The following PACRG variants were observed in gnomAD, a reference collection of about 807,000 sequenced individuals.
The protein encoded by PACRG is parkin coregulated.
In PACRG, 29 loss-of-function variants were observed where a neutral mutation model predicts 29.7. The observed-to-expected ratio is 0.98, with a 90% CI of 0.73 to 1.33. The LOEUF is 1.33. Ranked by LOEUF, PACRG falls within the 40% of genes most tolerant of loss-of-function variation. The probability of loss-of-function intolerance (pLI) is 0.00; values close to 1 mark genes in which losing one functional copy is unlikely to be tolerated. For missense variants in PACRG, 279 were observed against 316.2 expected, an observed-to-expected ratio of 0.88 and a Z score of 0.89; for synonymous variants, 116 against 118.7, an observed-to-expected ratio of 0.98 and a Z score of 0.15.
At position 163,004,660 on chromosome 6, in the gene PACRG, G is replaced by A. The variant is rs1158747539; in HGVS notation, c.292-57490G>A. ...TACAATTCAAGATGAGATTTGGGTGGGGACATGAAGCCTAACCATATCAAA... is the reference window on the plus strand; with the variant it reads ...TACAATTCAAGATGAGATTTGGGTGAGGACATGAAGCCTAACCATATCAAA... On this transcript the variant is annotated intron_variant, in intron 2 of 4. Coordinates refer to ENST00000366888, the MANE Select transcript of PACRG (RefSeq NM_001080379.2). 4.0e-5 allele frequency among the ~76,000 whole-genome samples: 6 copies of A among 149,432 alleles called. No individual in the cohort carries two copies. In the South Asian group the frequency reaches 1.3e-3, roughly 31 times the overall value.
chr6:163,286,189 T>G (rs1244847611), intron 4 of PACRG, among the ~76,000 whole-genome samples: 1 of 152,178 alleles, frequency 6.6e-6, no homozygotes, highest in Non-Finnish European at 1.5e-5. Context: ...TTATAAAATC[T>G]TCCAGACTGA....
At chr6:162,838,141 C>T (rs1372507027) in intron 2 of PACRG, among the ~76,000 whole-genome samples, 2 of 152,050 alleles carry the variant, frequency 1.3e-5, no homozygotes, top group Non-Finnish European at 1.5e-5. Context: ...ATTTTATATT[C>T]AACGTAAGTA....
chr6:162,838,197 C>A (rs754102277), intron 2 of PACRG, among the ~76,000 whole-genome samples: 1 of 152,062 alleles, frequency 6.6e-6, no homozygotes, highest in Non-Finnish European at 1.5e-5. Flanking sequence ...AGAAAATAAT[C>A]CTCTGAATCT....
rs1046553115 is a variant in PACRG at position 163,246,212 on chromosome 6, A to G, written c.614-68615A>G. On this transcript the variant is annotated intron_variant, in intron 4 of 4. Coordinates refer to ENST00000366888, the MANE Select transcript of PACRG (RefSeq NM_001080379.2). ...ATAAGAGGTAACATCACCTCACCCT[A>G]TGTATCTCCCTGACCCCATCTCATC... Among the ~76,000 whole-genome samples the G allele has an allele frequency of 7.2e-5, 11 of 152,218 alleles. No homozygotes were observed. In the East Asian group the frequency reaches 2.1e-3, roughly 29 times the overall value.
At position 163,084,194 on chromosome 6, in the gene PACRG, A is replaced by T. The variant is rs74628051; in HGVS notation, c.464-5065A>T. On this transcript the variant is annotated intron_variant, in intron 3 of 4. Coordinates refer to ENST00000366888, the MANE Select transcript of PACRG (RefSeq NM_001080379.2). ...TTTCAAAACCTTAAATCTTGAGTTC[A>T]AAGTCCTCACTTATGTCTTGACAAT... Among the ~76,000 whole-genome samples the T allele has an allele frequency of 4.6e-5, 7 of 152,302 alleles. No individual in the cohort carries two copies. In the East Asian group the frequency reaches 1.3e-3, roughly 29 times the overall value.
intron 4 of PACRG, among the ~76,000 whole-genome samples, chr6:163,144,252 G>GAAAAAAA (rs1777692970): frequency 9.0e-6 from 1 of 110,854 alleles, no homozygotes. Flanking sequence ...AAAAAAAAGG[G>GAAAAAAA]AAAAGTAGTT....
intron 4 of PACRG, among the ~76,000 whole-genome samples, chr6:163,199,063 T>C (rs1780589473): frequency 6.6e-6 from 1 of 152,182 alleles, no homozygotes; most frequent in African/African-American, 2.4e-5. Context: ...AGAGGGTCAC[T>C]TTGACTAGAA....
At chr6:163,240,404 C>A (rs542184390) in intron 4 of PACRG, among the ~76,000 whole-genome samples, 21 of 152,198 alleles carry the variant, frequency 1.4e-4, no homozygotes, top group Non-Finnish European at 2.5e-4. Context: ...GCTCTGTACT[C>A]CCGTCCTCGT....
At chr6:162,745,286 G>A (rs560881115) in intron 1 of PACRG, among the ~76,000 whole-genome samples, 6 of 152,054 alleles carry the variant, frequency 3.9e-5, no homozygotes, top group African/African-American at 7.2e-5. Flanking sequence ...ACACAGACAC[G>A]GAAAACCAAA....
intron 2 of PACRG, among the ~76,000 whole-genome samples, chr6:162,939,676 CGTGTGT>C (rs56193057): frequency 0.14 from 20,906 of 149,350 alleles, 2,181 homozygotes; most frequent in African/African-American, 0.29. Context: ...CTGTATTTGA[CGTGTGT>C]GTGTGTGTGT....
At chr6:162,875,326 C>T (rs1409913460) in intron 2 of PACRG, among the ~76,000 whole-genome samples, 24 of 152,024 alleles carry the variant, frequency 1.6e-4, no homozygotes, top group Admixed American at 1.4e-3. Flanking sequence ...GACATTCACA[C>T]ACAGACATGC....
intron 2 of PACRG, among the ~76,000 whole-genome samples, chr6:163,006,802 A>G (rs747325157): frequency 4.5e-4 from 66 of 148,232 alleles, no homozygotes; most frequent in Middle Eastern, 7.1e-3. Context: ...ATCTTTTTTC[A>G]TTTTTTAATT....
At chr6:162,865,523 G>T (rs1444193388) in intron 2 of PACRG, among the ~76,000 whole-genome samples, 1 of 152,068 alleles carries the variant, frequency 6.6e-6, no homozygotes, top group African/African-American at 2.4e-5. Flanking sequence ...TTCTAAAGAA[G>T]ATTTTAAAAA....
Position 162,781,210 on chromosome 6 carries a change from A to G in PACRG, c.157-32937A>G, listed in dbSNP as rs1319941566. ...ACACCTTGGGAAAGAAATGCAGGCT[A>G]AAAGACTGTGGAAGAGCATCTTTAA... On this transcript the variant is annotated intron_variant, in intron 1 of 4. Coordinates refer to ENST00000366888, the MANE Select transcript of PACRG (RefSeq NM_001080379.2). Among the ~76,000 whole-genome samples the G allele has an allele frequency of 2.6e-5, 4 of 152,088 alleles. No homozygotes were observed. The South Asian group carries it at 6.2e-4, about 24-fold the overall frequency.
In PACRG at chr6:163,226,016, C is replaced by CA. The variant is rs539079919; in HGVS notation, c.614-88804dup. Among the ~76,000 whole-genome samples the CA allele has an allele frequency of 2.9e-3, 442 of 151,924 alleles. 1 individual carries two copies. The highest frequency in any genetic ancestry group is 0.01 in the African/African-American group (419 of 41,434). On this transcript the variant is annotated intron_variant, in intron 4 of 4. Transcript: ENST00000366888. Reference sequence around the variant, plus strand: ...CAACACAGCAAGACCCTGTCTCTACCAAAAAAACAAAATAAAAAGAAGGAA... The same window carrying CA: ...CAACACAGCAAGACCCTGTCTCTACCAAAAAAAACAAAATAAAAAGAAGGAA...
intron 2 of PACRG, 112 bp downstream of exon 2, chr6:162,814,393 T>G: frequency 7.4e-7 from 1 of 1,349,294 alleles, no homozygotes; most frequent in Non-Finnish European, 1.0e-6. Flanking sequence ...TCTCAGCACA[T>G]GGAAGATGGT....
At chr6:163,032,241 A>G (rs1240966966) in intron 2 of PACRG, among the ~76,000 whole-genome samples, 1 of 152,244 alleles carries the variant, frequency 6.6e-6, no homozygotes, top group Non-Finnish European at 1.5e-5. Context: ...TTAAGCAAAA[A>G]GTTAAAAAAT....
At chr6:163,048,242 C>G (rs1585087566) in intron 2 of PACRG, among the ~76,000 whole-genome samples, 1 of 152,272 alleles carries the variant, frequency 6.6e-6, no homozygotes, top group Non-Finnish European at 1.5e-5. Context: ...TAACTTTCTT[C>G]TTATCTCCTT....
chr6:163,077,139 G>A (rs2764012), intron 3 of PACRG, among the ~76,000 whole-genome samples: 78,290 of 152,058 alleles, frequency 0.51, 23,637 homozygotes, highest in East Asian at 0.96. Flanking sequence ...TGAAACAACA[G>A]ATGAAGGGTA....
Sources: allele counts gnomAD v4.1 joint callset (sites outside exome capture counted in the v4.1 genomes callset), GRCh38; gene constraint gnomAD v4.1.1; transcripts MANE v1.5; gene names NCBI Gene and HGNC (gene_info 2026-07-23, HGNC 2026-07-21).